The following PCDH9 variants were observed in gnomAD, a reference collection of about 807,000 sequenced individuals.
The protein encoded by PCDH9 is protocadherin 9, also known as protocadherin-9.
Under a neutral mutation model 70.6 loss-of-function variants are expected in PCDH9, and 24 were observed. The observed-to-expected ratio is 0.34, with a 90% CI of 0.25 to 0.48. PCDH9 has a LOEUF of 0.48. PCDH9 is among the 20% of genes least tolerant of loss of function. PCDH9 has a pLI of 0.99. For synonymous variants in PCDH9, 562 were observed against 558.5 expected, an observed-to-expected ratio of 1.01 and a Z score of -0.09; for missense variants, 1,281 against 1,503.6, an observed-to-expected ratio of 0.85 and a Z score of 2.45.
chr13:66,453,470 A>G lies in PCDH9; in HGVS notation c.3341-148442T>C, dbSNP rs150640279. 7.3e-4 allele frequency among the ~76,000 whole-genome samples: 111 copies of G among 152,286 alleles called. 1 individual carries two copies. The highest frequency in any genetic ancestry group is 2.5e-3 in the African/African-American group (104 of 41,542). On this transcript the variant is annotated intron_variant, in intron 4 of 4. Transcript: ENST00000377865. Reference sequence around the variant, plus strand: ...TTTCTTTTTGCAGGTCCCCAGCACTATAATCTATCCCCAGGAAATCACTAG... The same window carrying G: ...TTTCTTTTTGCAGGTCCCCAGCACTGTAATCTATCCCCAGGAAATCACTAG...
chr13:66,392,399 A>G (rs572868730), intron 4 of PCDH9, among the ~76,000 whole-genome samples: 1 of 152,246 alleles, frequency 6.6e-6, no homozygotes, highest in East Asian at 1.9e-4. Flanking sequence ...TTTTCAAAAT[A>G]TTTATTAAAT....
intron 2 of PCDH9, among the ~76,000 whole-genome samples, chr13:66,909,109 C>A (rs903831901): frequency 2.0e-5 from 3 of 151,164 alleles, no homozygotes. Flanking sequence ...TTCTTTAAAA[C>A]TTTGAGACAT....
intron 3 of PCDH9, among the ~76,000 whole-genome samples, chr13:66,803,372 A>C (rs911854133): frequency 6.6e-6 from 1 of 152,198 alleles, no homozygotes; most frequent in Non-Finnish European, 1.5e-5. Context: ...TTAAGAGCTA[A>C]ATTAAACCAG....
At chr13:66,997,206 C>A (rs772646809) in intron 2 of PCDH9, among the ~76,000 whole-genome samples, 6 of 152,142 alleles carry the variant, frequency 3.9e-5, no homozygotes, top group Non-Finnish European at 8.8e-5. Flanking sequence ...AGAAAAGAGG[C>A]TTATCTGGCT....
At chr13:66,985,256 T>C (rs1001755674) in intron 2 of PCDH9, among the ~76,000 whole-genome samples, 2 of 152,086 alleles carry the variant, frequency 1.3e-5, no homozygotes, top group African/African-American at 4.8e-5. Context: ...CCAAGATCAA[T>C]CCCTGGCAAT....
intron 4 of PCDH9, among the ~76,000 whole-genome samples, chr13:66,440,664 TCAGA>T (rs1183068606): frequency 6.6e-6 from 1 of 152,140 alleles, no homozygotes; most frequent in Non-Finnish European, 1.5e-5. Context: ...GAATTGGGAC[TCAGA>T]CAGGGTCTTC....
intron 3 of PCDH9, among the ~76,000 whole-genome samples, chr13:66,855,285 G>A (rs1304900550): frequency 6.6e-6 from 1 of 152,034 alleles, no homozygotes; most frequent in African/African-American, 2.4e-5. Flanking sequence ...ACTACAAAAT[G>A]ATAACATAAG....
chr13:66,985,182 T>C (rs1404575657), intron 2 of PCDH9, among the ~76,000 whole-genome samples: 8 of 152,112 alleles, frequency 5.3e-5, no homozygotes, highest in Non-Finnish European at 1.2e-4. Context: ...TATTGCAAGA[T>C]AAAATTCTTT....
chr13:66,332,976 C>T (rs1287078110), intron 4 of PCDH9, among the ~76,000 whole-genome samples: 2 of 152,010 alleles, frequency 1.3e-5, no homozygotes, highest in Non-Finnish European at 2.9e-5. Context: ...GCATTTAAGG[C>T]ATTATTTGCT....
chr13:66,840,116 T>G (rs2081091088), intron 3 of PCDH9, among the ~76,000 whole-genome samples: 1 of 152,052 alleles, frequency 6.6e-6, no homozygotes, highest in Non-Finnish European at 1.5e-5. Context: ...CTTCCCACAA[T>G]AGTCAAGCCA....
chr13:66,678,806 A>G (rs1160415374), intron 3 of PCDH9, among the ~76,000 whole-genome samples: 2 of 151,926 alleles, frequency 1.3e-5, no homozygotes, highest in Non-Finnish European at 2.9e-5. Flanking sequence ...AGACTTCTGA[A>G]AAAAGAAAAC....
chr13:67,142,327 A>G (rs1223772338), intron 2 of PCDH9, among the ~76,000 whole-genome samples: 1 of 152,204 alleles, frequency 6.6e-6, no homozygotes, highest in Non-Finnish European at 1.5e-5. Flanking sequence ...ATGGAAATAA[A>G]ATTGTTCTAC....
At chr13:66,643,599 T>C (rs1481561116) in intron 3 of PCDH9, among the ~76,000 whole-genome samples, 2 of 152,080 alleles carry the variant, frequency 1.3e-5, no homozygotes, top group Non-Finnish European at 2.9e-5. Context: ...TGGATACAAA[T>C]ATAAAATTCA....
Position 66,867,090 on chromosome 13 carries a change from G to T in PCDH9, c.3138+36414C>A, listed in dbSNP as rs183175222. Among the ~76,000 whole-genome samples, 646 of 149,928 alleles carry T rather than the reference G, an allele frequency of 4.3e-3. 2 individuals are homozygous for T. Among genetic ancestry groups the T allele is most frequent in the Middle Eastern group, 7.0e-3 (2 of 286 alleles). On this transcript the variant is annotated intron_variant, in intron 3 of 4. Transcript: ENST00000377865. ...TTGCTCTTTCAGTTTTGTATTTTGAGCTTTTTATTCTTGAACTCACACAGA... is the reference window on the plus strand; with the variant it reads ...TTGCTCTTTCAGTTTTGTATTTTGATCTTTTTATTCTTGAACTCACACAGA...
chr13:66,591,622 T>C (rs1308121949), intron 4 of PCDH9, among the ~76,000 whole-genome samples: 1 of 151,706 alleles, frequency 6.6e-6, no homozygotes, highest in African/African-American at 2.4e-5. Flanking sequence ...CAAGGAAAGA[T>C]GAGTTGACTC....
chr13:67,228,995 T>C (rs2089949734), intron 1 of PCDH9, among the ~76,000 whole-genome samples: 1 of 152,244 alleles, frequency 6.6e-6, no homozygotes, highest in Admixed American at 6.5e-5. Flanking sequence ...ACATGTCAAA[T>C]GTGTTTTCTT....
chr13:66,683,637 C>G (rs2078359460), intron 3 of PCDH9, among the ~76,000 whole-genome samples: 1 of 152,064 alleles, frequency 6.6e-6, no homozygotes, highest in East Asian at 1.9e-4. Context: ...TGTGCTTTTA[C>G]AAATGAGGAA....
Position 66,896,852 on chromosome 13 carries a change from T to G in PCDH9, c.3138+6652A>C, listed in dbSNP as rs2082188402. Reference sequence around the variant, plus strand: ...AACTTTCCTTAAAATTTGGATGTCCTCTCCTGACACCTGGCCTTCACGCAG... The same window carrying G: ...AACTTTCCTTAAAATTTGGATGTCCGCTCCTGACACCTGGCCTTCACGCAG... On this transcript the variant is annotated intron_variant, in intron 3 of 4. Transcript: ENST00000377865. Among the ~76,000 whole-genome samples, 3 of 152,320 alleles carry G rather than the reference T, an allele frequency of 2.0e-5. No individual in the cohort carries two copies. In the East Asian group the frequency reaches 5.8e-4, roughly 29 times the overall value.
Position 66,631,305 on chromosome 13 carries a change from T to C in PCDH9, c.3245A>G (p.His1082Arg). 1 of 1,606,852 alleles carries C rather than the reference T, an allele frequency of 6.2e-7. No homozygotes were observed. The highest frequency in any genetic ancestry group is 2.2e-5 in the East Asian group (1 of 44,834). The change falls in exon 4 of 5, where the codon CAC (histidine) becomes CGC (arginine). Residue 1082 changes from histidine to arginine, a missense_variant. His to Arg is a conservative substitution (Grantham distance 29). Coordinates refer to ENST00000377865, the MANE Select transcript of PCDH9 (RefSeq NM_203487.3). ...EPVGSGTLIS[H>R]PLPLVQPQDE... ...CTGTGGCTGAACCAGAGGAAGAGGGTGTGAGATCAGGGTTCCACTACCCAC... is the reference window on the plus strand; with the variant it reads ...CTGTGGCTGAACCAGAGGAAGAGGGCGTGAGATCAGGGTTCCACTACCCAC...
Sources: allele counts gnomAD v4.1 joint callset (sites outside exome capture counted in the v4.1 genomes callset), GRCh38; gene constraint gnomAD v4.1.1; transcripts MANE v1.5; gene names NCBI Gene and HGNC (gene_info 2026-07-23, HGNC 2026-07-21).